ATP1A2: variants seen among roughly 807,000 people sequenced by gnomAD.
The protein encoded by ATP1A2 is sodium/potassium-transporting ATPase subunit alpha-2.
ATP1A2 carries 56 observed loss-of-function variants against 113.1 expected under a neutral mutation model. The observed-to-expected ratio is 0.49, with a 90% CI of 0.40 to 0.62. ATP1A2 has a LOEUF of 0.62. ATP1A2 is among the 20% of genes least tolerant of loss of function. The pLI, the probability that ATP1A2 is intolerant of heterozygous loss-of-function variation, is 0.00. For missense variants in ATP1A2, 712 were observed against 1,357.8 expected (o/e 0.52, Z 7.47); for synonymous variants, 490 against 526.8 (o/e 0.93, Z 0.96).
Position 160,141,262 on chromosome 1 carries a change from G to C in ATP1A2, c.3035-32G>C, listed in dbSNP as rs754752946. The C allele has an allele frequency of 2.5e-6, 4 of 1,613,812 alleles. No homozygotes were observed. In the Admixed American group the frequency reaches 6.7e-5, roughly 27 times the overall value. ...ATCTCTTGCCTCCTTTTAAGCTCAT[G>C]CTGCAATCTCCACTCCCAATCTCTC... On this transcript the variant is annotated intron_variant, in intron 22 of 22. Transcript: ENST00000361216.
At chr1:160,136,845 C>G (rs1651969498) in intron 19 of ATP1A2, 56 bp from the exon 20 acceptor site, 1 of 1,614,102 alleles carries the variant, frequency 6.2e-7, no homozygotes, top group South Asian at 1.1e-5. Context: ...ATGCTACCTT[C>G]TGGTCCTACC....
intron 11 of ATP1A2, 121 bp downstream of exon 11, chr1:160,129,521 C>T: frequency 1.4e-6 from 2 of 1,466,624 alleles, no homozygotes; most frequent in South Asian, 1.2e-5. Context: ...TTCCCTCCCC[C>T]TGCTAAGTCC....
intron 20 of ATP1A2, among the ~76,000 whole-genome samples, chr1:160,137,644 T>C (rs1034187655): frequency 6.6e-6 from 1 of 152,228 alleles, no homozygotes; most frequent in Non-Finnish European, 1.5e-5. Context: ...CCCTGGCTAC[T>C]ACCCAACATT....
At position 160,140,000 on chromosome 1, in the gene ATP1A2, T is replaced by C. The variant is rs564623438; in HGVS notation, c.3034+16T>C. The C allele has an allele frequency of 2.5e-6, 4 of 1,611,284 alleles. No individual in the cohort carries two copies. The highest frequency in any genetic ancestry group is 2.2e-5 in the South Asian group (2 of 91,040). The stretch of plus-strand genomic sequence containing the variant: ...TATCCTGGTGGTAAGCCCCTCCACA[T>C]TCCCCCCAGCAAAGTGCAAGCCCCA... On this transcript the variant is annotated intron_variant, in intron 22 of 22. Coordinates refer to ENST00000361216, the MANE Select transcript of ATP1A2 (RefSeq NM_000702.4).
At position 160,130,414 on chromosome 1, in the gene ATP1A2, C is replaced by A. The variant is rs370023134; in HGVS notation, c.1652-8C>A. The A allele has an allele frequency of 3.1e-6, 5 of 1,614,076 alleles. No individual in the cohort carries two copies. In the African/African-American group the frequency reaches 5.3e-5, roughly 17 times the overall value. ...CGGATCTCACTGATCCCTTCTGCCC[C>A]CCTTTAGGATTCTGTCAACTGAATC... On this transcript the variant is annotated splice_polypyrimidine_tract_variant and splice_region_variant and intron_variant, in intron 12 of 22. Coordinates refer to ENST00000361216, the MANE Select transcript of ATP1A2 (RefSeq NM_000702.4).
intron 7 of ATP1A2, among the ~76,000 whole-genome samples, chr1:160,126,388 T>A (rs6698729): frequency 6.6e-6 from 1 of 151,936 alleles, no homozygotes; most frequent in African/African-American, 2.4e-5. Context: ...TGAGGTTGGT[T>A]GAATCTATGG....
chr1:160,130,067 A>G (rs777207683), intron 11 of ATP1A2, 35 bp from the exon 12 acceptor site: 21 of 1,613,668 alleles, frequency 1.3e-5, no homozygotes, highest in African/African-American at 4.0e-5. Context: ...CAAGACAAGT[A>G]TGGCCCTCTC....
chr1:160,123,793 G>A, intron 4 of ATP1A2, 150 bp from the exon 5 acceptor site: 1 of 774,668 alleles, frequency 1.3e-6, no homozygotes, highest in Non-Finnish European at 2.2e-6. Context: ...AGGTTAGTGA[G>A]AAGGGCTTTC....
At chr1:160,119,813 T>A (rs1200896318) in intron 1 of ATP1A2, among the ~76,000 whole-genome samples, 1 of 139,410 alleles carries the variant, frequency 7.2e-6, no homozygotes, top group Non-Finnish European at 1.5e-5. Flanking sequence ...GGCAATATAG[T>A]GAGACCTTAT....
intron 10 of ATP1A2, 60 bp downstream of exon 10, chr1:160,129,149 G>T (rs953524389): frequency 9.5e-5 from 153 of 1,607,750 alleles, no homozygotes; most frequent in South Asian, 1.9e-4. Flanking sequence ...CCTCTTGCTG[G>T]CCCCAGCTTT....
At chr1:160,128,928 A>AT in intron 9 of ATP1A2, 52 bp from the exon 10 acceptor site, 1 of 1,600,250 alleles carries the variant, frequency 6.2e-7, no homozygotes, top group Non-Finnish European at 8.5e-7. Flanking sequence ...AGTGGTTGAG[A>AT]TAAAGGCTCT....
chr1:160,123,894 T>G, intron 4 of ATP1A2, 49 bp from the exon 5 acceptor site: 4 of 1,561,198 alleles, frequency 2.6e-6, no homozygotes, highest in Non-Finnish European at 2.6e-6. Context: ...AGCTGCCCCT[T>G]TAGGGTTGGG....
At chr1:160,137,953 C>T (rs1479970265) in intron 20 of ATP1A2, among the ~76,000 whole-genome samples, 5 of 152,068 alleles carry the variant, frequency 3.3e-5, no homozygotes, top group African/African-American at 1.2e-4. Context: ...GCTAAAAATA[C>T]TAATGGAAAA....
chr1:160,140,932 G>C (rs906674449), intron 22 of ATP1A2, among the ~76,000 whole-genome samples: 13 of 137,406 alleles, frequency 9.5e-5, no homozygotes. Context: ...GCACGATCTC[G>C]GCTCACTGCA....
chr1:160,134,250 CACATCCT>C (rs1265498690), intron 13 of ATP1A2, among the ~76,000 whole-genome samples: 1 of 148,208 alleles, frequency 6.7e-6, no homozygotes, highest in Non-Finnish European at 1.5e-5. Context: ...CACACACACA[CACATCCT>C]ACACACACAT....
chr1:160,116,622 A>G (rs1651195706), intron 1 of ATP1A2, among the ~76,000 whole-genome samples: 2 of 152,038 alleles, frequency 1.3e-5, no homozygotes, highest in Non-Finnish European at 2.9e-5. Context: ...TGGGGCGGGC[A>G]GGGAGAGGGC....
intron 14 of ATP1A2, among the ~76,000 whole-genome samples, chr1:160,134,943 G>A (rs577330461): frequency 2.0e-5 from 3 of 152,304 alleles, no homozygotes; most frequent in South Asian, 2.1e-4. Context: ...TTACAACTGC[G>A]ATGATCCCAT....
At chr1:160,136,470 C>T in intron 18 of ATP1A2, 100 bp downstream of exon 18, 1 of 1,612,404 alleles carries the variant, frequency 6.2e-7, no homozygotes, top group Middle Eastern at 1.7e-4. Context: ...CAGAGGCCAG[C>T]TACCCAAGGG....
intron 20 of ATP1A2, 81 bp from the exon 21 acceptor site, chr1:160,139,559 T>C: frequency 8.1e-7 from 1 of 1,230,864 alleles, no homozygotes; most frequent in Admixed American, 1.7e-5. Flanking sequence ...CTCTCCTCTT[T>C]CCCTTGCACC....
Sources: allele counts gnomAD v4.1 joint callset (sites outside exome capture counted in the v4.1 genomes callset), GRCh38; gene constraint gnomAD v4.1.1; transcripts MANE v1.5; gene names NCBI Gene and HGNC (gene_info 2026-07-23, HGNC 2026-07-21).